CTNNA2: variants seen among roughly 807,000 people sequenced by gnomAD.
The protein encoded by CTNNA2 is catenin alpha 2.
CTNNA2 carries 42 observed loss-of-function variants against 101.0 expected under a neutral mutation model. The observed-to-expected ratio is 0.42, with a 90% CI of 0.32 to 0.54. The LOEUF (loss-of-function observed/expected upper bound fraction) is 0.54, where lower values mean the gene tolerates loss of function less well. Ranked by LOEUF, CTNNA2 falls within the 20% of genes least tolerant of loss-of-function variation. CTNNA2 has a pLI of 0.14. For missense variants in CTNNA2, 871 were observed against 1,223.1 expected, an observed-to-expected ratio of 0.71 and a Z score of 4.29; for synonymous variants, 450 against 456.4, an observed-to-expected ratio of 0.99 and a Z score of 0.18.
At chr2:79,322,992 C>T (rs1440691804) in intron 3 of CTNNA2, among the ~76,000 whole-genome samples, 1 of 152,188 alleles carries the variant, frequency 6.6e-6, no homozygotes, top group Non-Finnish European at 1.5e-5. Context: ...TCTCTCTTAA[C>T]ATCTTTCATC....
intron 7 of CTNNA2, among the ~76,000 whole-genome samples, chr2:80,238,105 C>T (rs1243342475): frequency 6.6e-6 from 1 of 152,126 alleles, no homozygotes; most frequent in African/African-American, 2.4e-5. Context: ...AGACTCCCTC[C>T]CCTGGCTCCA....
intron 9 of CTNNA2, among the ~76,000 whole-genome samples, chr2:80,521,925 G>A (rs975254921): frequency 2.6e-5 from 4 of 152,162 alleles, no homozygotes; most frequent in African/African-American, 9.7e-5. Flanking sequence ...GTCATAGGTA[G>A]AGAAAGAATT....
chr2:79,604,096 T>TTTG (rs374487067), intron 1 of CTNNA2, among the ~76,000 whole-genome samples: 3,329 of 152,310 alleles, frequency 0.022, 122 homozygotes, highest in African/African-American at 0.073. Context: ...TATATAGTGA[T>TTTG]ATTGATTGCA....
At chr2:79,596,733 A>G (rs893810015) in intron 1 of CTNNA2, among the ~76,000 whole-genome samples, 1 of 151,994 alleles carries the variant, frequency 6.6e-6, no homozygotes, top group African/African-American at 2.4e-5. Context: ...TCTCTCTAAA[A>G]CTCCTTCAAA....
chr2:80,178,300 G>A (rs1705529021), intron 7 of CTNNA2, among the ~76,000 whole-genome samples: 1 of 152,152 alleles, frequency 6.6e-6, no homozygotes, highest in African/African-American at 2.4e-5. Flanking sequence ...GAAAGCACTT[G>A]GTTCATGATA....
intron 7 of CTNNA2, among the ~76,000 whole-genome samples, chr2:79,981,859 C>A (rs974721793): frequency 3.3e-5 from 5 of 152,028 alleles, no homozygotes; most frequent in South Asian, 2.1e-4. Flanking sequence ...TAAATCCTGG[C>A]AAACTTTGAT....
chr2:79,738,421 G>T (rs1442695921), intron 2 of CTNNA2, among the ~76,000 whole-genome samples: 1 of 152,174 alleles, frequency 6.6e-6, no homozygotes, highest in Non-Finnish European at 1.5e-5. Context: ...AGATTTAGCA[G>T]GAAGCTGGCA....
intron 3 of CTNNA2, among the ~76,000 whole-genome samples, chr2:79,775,567 C>T (rs1209373954): frequency 1.3e-5 from 2 of 152,162 alleles, no homozygotes; most frequent in African/African-American, 4.8e-5. Flanking sequence ...ATCAACCAAT[C>T]ACCAAGGTAT....
chr2:80,358,448 T>TTA (rs1674065534), intron 7 of CTNNA2, among the ~76,000 whole-genome samples: 1 of 151,164 alleles, frequency 6.6e-6, no homozygotes, highest in Non-Finnish European at 1.5e-5. Context: ...CCTCCCAGGT[T>TTA]CAAGCAATTC....
At chr2:79,212,983 C>T (rs1674195966) in intron 2 of CTNNA2, among the ~76,000 whole-genome samples, 1 of 152,132 alleles carries the variant, frequency 6.6e-6, no homozygotes, top group African/African-American at 2.4e-5. Flanking sequence ...GGGCTAGTGG[C>T]TTGTAACCTA....
chr2:79,596,222 T>G (rs879692899), intron 1 of CTNNA2, among the ~76,000 whole-genome samples: 3 of 152,072 alleles, frequency 2.0e-5, no homozygotes, highest in Non-Finnish European at 4.4e-5. Context: ...TGCCTGGAAC[T>G]TAGCAGGTGC....
At chr2:80,343,381 G>T (rs1373264) in intron 7 of CTNNA2, among the ~76,000 whole-genome samples, 23,218 of 146,382 alleles carry the variant, frequency 0.16, 2,034 homozygotes, top group East Asian at 0.3. Flanking sequence ...GACTGACTTT[G>T]TCATTTTCCA....
At chr2:79,979,676 G>A (rs767675511) in intron 7 of CTNNA2, among the ~76,000 whole-genome samples, 12 of 151,614 alleles carry the variant, frequency 7.9e-5, no homozygotes, top group Non-Finnish European at 1.3e-4. Flanking sequence ...ACTACAGTAC[G>A]ACAAGACAAA....
intron 3 of CTNNA2, among the ~76,000 whole-genome samples, chr2:79,337,903 G>A (rs1180999797): frequency 6.6e-6 from 1 of 152,084 alleles, no homozygotes; most frequent in Non-Finnish European, 1.5e-5. Context: ...ATTCAAGGAG[G>A]TAAGAGAAAT....
chr2:80,431,931 C>A (rs886155375), intron 9 of CTNNA2, among the ~76,000 whole-genome samples: 6 of 151,950 alleles, frequency 3.9e-5, no homozygotes, highest in Non-Finnish European at 8.8e-5. Flanking sequence ...TCTGTAGGCA[C>A]ATTAGTGCCT....
intron 7 of CTNNA2, among the ~76,000 whole-genome samples, chr2:79,967,048 C>T (rs1241908028): frequency 6.6e-6 from 1 of 152,032 alleles, no homozygotes; most frequent in Non-Finnish European, 1.5e-5. Flanking sequence ...CCATTCATGA[C>T]TTCCAAGTTT....
rs78068273 is a variant in CTNNA2 at position 80,451,734 on chromosome 2, A to T, written c.1290+32133A>T. Among the ~76,000 whole-genome samples the T allele has an allele frequency of 5.9e-4, 90 of 152,214 alleles. 1 individual carries two copies. In the East Asian group the frequency reaches 0.014, roughly 24 times the overall value. ...AAATATTTTATTTAATTTTGGGGGG[A>T]TGAGGAAATGTTTGAGTCTTATTTG... is the stretch of plus-strand genomic sequence containing the variant. On this transcript the variant is annotated intron_variant, in intron 9 of 18. Coordinates refer to ENST00000402739, the MANE Select transcript of CTNNA2 (RefSeq NM_001282597.3).
At chr2:80,547,592 G>A (rs1295311728) in intron 11 of CTNNA2, among the ~76,000 whole-genome samples, 1 of 150,982 alleles carries the variant, frequency 6.6e-6, no homozygotes, top group Non-Finnish European at 1.5e-5. Flanking sequence ...TATTCCCAAG[G>A]TCTTTGTTTT....
At chr2:79,521,955 G>A (rs1672141833) in intron 1 of CTNNA2, among the ~76,000 whole-genome samples, 1 of 152,188 alleles carries the variant, frequency 6.6e-6, no homozygotes. Flanking sequence ...GGCCCATGGA[G>A]TTGGGACAGG....
Sources: allele counts gnomAD v4.1 joint callset (sites outside exome capture counted in the v4.1 genomes callset), GRCh38; gene constraint gnomAD v4.1.1; transcripts MANE v1.5; gene names NCBI Gene and HGNC (gene_info 2026-07-23, HGNC 2026-07-21).